COG5: variants seen among roughly 807,000 people sequenced by gnomAD.
COG5 encodes the protein component of oligomeric golgi complex 5, also known as conserved oligomeric Golgi complex subunit 5.
A neutral mutation model predicts 110.4 loss-of-function variants in COG5; 86 were observed. The observed-to-expected ratio is 0.78, with a 90% CI of 0.65 to 0.93. The LOEUF (loss-of-function observed/expected upper bound fraction) is 0.93. Among genes scored for constraint, COG5 ranks in the 40% least tolerant of loss-of-function variants. COG5 has a pLI of 0.00. For synonymous variants in COG5, 360 were observed against 334.6 expected, an observed-to-expected ratio of 1.08 and a Z score of -0.83; for missense variants, 1,077 against 987.0, an observed-to-expected ratio of 1.09 and a Z score of -1.22.
At chr7:107,345,526 G>C (rs1236234520) in intron 10 of COG5, among the ~76,000 whole-genome samples, 1 of 152,158 alleles carries the variant, frequency 6.6e-6, no homozygotes, top group East Asian at 1.9e-4. Flanking sequence ...CGGGCACTTA[G>C]AAAGTAGAGT....
intron 6 of COG5, among the ~76,000 whole-genome samples, chr7:107,436,263 T>A (rs991821607): frequency 4.6e-5 from 7 of 152,194 alleles, no homozygotes; most frequent in Non-Finnish European, 7.3e-5. Flanking sequence ...AGCGAATTAT[T>A]CAGCCTTTAA....
intron 7 of COG5, among the ~76,000 whole-genome samples, chr7:107,391,257 G>A (rs1256382745): frequency 6.6e-6 from 1 of 152,132 alleles, no homozygotes; most frequent in Non-Finnish European, 1.5e-5. Context: ...AAGCTGCCTG[G>A]ACCCTCAGCA....
intron 13 of COG5, among the ~76,000 whole-genome samples, chr7:107,281,631 T>C (rs1347255816): frequency 6.6e-6 from 1 of 152,116 alleles, no homozygotes; most frequent in Non-Finnish European, 1.5e-5. Flanking sequence ...AAGCATGTCA[T>C]ATGTGGGTTC....
At chr7:107,228,629 A>C (rs781419519) in intron 19 of COG5, among the ~76,000 whole-genome samples, 1 of 152,142 alleles carries the variant, frequency 6.6e-6, no homozygotes, top group Non-Finnish European at 1.5e-5. Flanking sequence ...ATACTTAAAC[A>C]GTTTTAAAAA....
intron 5 of COG5, among the ~76,000 whole-genome samples, chr7:107,528,706 C>G (rs1040091324): frequency 2.0e-5 from 3 of 152,080 alleles, no homozygotes; most frequent in Non-Finnish European, 2.9e-5. Flanking sequence ...GGCCCCAAGG[C>G]TAACTGAGAA....
chr7:107,405,092 T>A (rs1791731819), intron 7 of COG5, among the ~76,000 whole-genome samples: 1 of 152,176 alleles, frequency 6.6e-6, no homozygotes, highest in South Asian at 2.1e-4. Flanking sequence ...AACTGCTTGG[T>A]CTTACTAAAG....
intron 6 of COG5, among the ~76,000 whole-genome samples, chr7:107,454,227 A>T (rs1309485409): frequency 6.6e-6 from 1 of 152,198 alleles, no homozygotes; most frequent in Non-Finnish European, 1.5e-5. Context: ...AATCCTTGAA[A>T]TCTTAAATGA....
intron 6 of COG5, among the ~76,000 whole-genome samples, chr7:107,514,104 A>G (rs1799745560): frequency 6.6e-6 from 1 of 152,134 alleles, no homozygotes; most frequent in South Asian, 2.1e-4. Flanking sequence ...TGGTGTTAAT[A>G]TATTGCAGCT....
intron 11 of COG5, among the ~76,000 whole-genome samples, chr7:107,305,297 C>A (rs1047693008): frequency 9.2e-5 from 14 of 152,160 alleles, no homozygotes; most frequent in Non-Finnish European, 1.5e-4. Context: ...TAATTAAGTG[C>A]CGCCTTTGTG....
Position 107,563,883 on chromosome 7 carries a change from C to A in COG5, c.14G>T (p.Gly5Val). MEGG[G>V]GSVAVAGLGA... ...GAGGCCAGCTACAGCGACGCTGCCG[C>A]CGCCACCTTCCATGTTGGCAGGTGC... The change falls in exon 1 of 22, where the codon GGC becomes GTC. Residue 5 changes from glycine to valine, a missense_variant. Transcript: ENST00000297135. 1 of 1,613,766 alleles carries A rather than the reference C, an allele frequency of 6.2e-7. No individual in the cohort carries two copies. The highest frequency in any genetic ancestry group is 1.7e-4 in the Middle Eastern group (1 of 6,052).
chr7:107,272,803 T>C (rs531115470), intron 14 of COG5, among the ~76,000 whole-genome samples: 6 of 152,268 alleles, frequency 3.9e-5, no homozygotes, highest in Admixed American at 6.5e-5. Context: ...CCATTTTTGC[T>C]TTTAGATATG....
intron 1 of COG5, chr7:107,563,363 T>C (rs1804083165): frequency 3.6e-6 from 1 of 274,074 alleles, no homozygotes; most frequent in Non-Finnish European, 7.2e-6. Context: ...GGAGTAAGCG[T>C]TTCCAGCTCT....
rs1795144254 is a variant in COG5 at position 107,448,519 on chromosome 7, C to T, written c.539-35887G>A. On this transcript the variant is annotated intron_variant, in intron 6 of 21. Transcript: ENST00000297135. Reference sequence around the variant, plus strand: ...AGTCTTTTGGTCTTCTCTTCCTATGCTCACCCCTTACATGTTAGAATTCCT... The same window carrying T: ...AGTCTTTTGGTCTTCTCTTCCTATGTTCACCCCTTACATGTTAGAATTCCT... 3.9e-5 allele frequency among the ~76,000 whole-genome samples: 6 copies of T among 152,170 alleles called. No homozygotes were observed. In the South Asian group the frequency reaches 1.2e-3, roughly 32 times the overall value.
rs79770409 is a variant in COG5, at chr7:107,313,395, T to C, written c.1108+11045A>G. Among the ~76,000 whole-genome samples the C allele has an allele frequency of 8.0e-3, 1,223 of 152,266 alleles. 16 individuals are homozygous for C. Among genetic ancestry groups the C allele is most frequent in the African/African-American group, 0.026 (1,069 of 41,552 alleles). ...AATATTAACAAGCATGTGGAAAAAC[T>C]AGAACTCTCATATACTGCCAAGGAG... On this transcript the variant is annotated intron_variant, in intron 11 of 21. Transcript: ENST00000297135.
At chr7:107,507,038 T>C (rs966439555) in intron 6 of COG5, among the ~76,000 whole-genome samples, 1 of 152,190 alleles carries the variant, frequency 6.6e-6, no homozygotes, top group Non-Finnish European at 1.5e-5. Context: ...TTTATATATG[T>C]CACCACTTCC....
chr7:107,386,044 G>C (rs1790168020), intron 7 of COG5, among the ~76,000 whole-genome samples: 1 of 151,448 alleles, frequency 6.6e-6, no homozygotes, highest in South Asian at 2.1e-4. Context: ...TGTTAGGGTT[G>C]AGTCAGGATG....
rs56971368 is a variant in COG5 at position 107,270,882 on chromosome 7, CTTTTTTTTTTTT to C, written c.1575+10406_1575+10417del. Among the ~76,000 whole-genome samples the C allele has an allele frequency of 4.4e-5, 3 of 68,750 alleles. No homozygotes were observed. The South Asian group carries it at 1.6e-3, about 37-fold the overall frequency. 45.1% of individuals were successfully genotyped at this position (68,750 alleles called of 152,430 possible). On this transcript the variant is annotated intron_variant, in intron 14 of 21. Transcript: ENST00000297135. ...TTATACTTCATTATCCTAACTAGAA[CTTTTTTTTTTTT>C]TTTTTTTTTTTTTTTGTAGAGATGG...
At chr7:107,384,311 A>G (rs1815377244) in intron 7 of COG5, among the ~76,000 whole-genome samples, 1 of 152,080 alleles carries the variant, frequency 6.6e-6, no homozygotes, top group Non-Finnish European at 1.5e-5. Context: ...ACTTCTTTAG[A>G]GGGGGGAATG....
At position 107,356,080 on chromosome 7, in the gene COG5, C is replaced by T. The variant is rs908318903; in HGVS notation, c.1026+5953G>A. Among the ~76,000 whole-genome samples the T allele has an allele frequency of 2.2e-4, 33 of 151,992 alleles. 1 individual carries two copies. The highest frequency in any genetic ancestry group is 4.7e-4 in the Non-Finnish European group (32 of 67,988). On this transcript the variant is annotated intron_variant, in intron 10 of 21. Transcript: ENST00000297135. ...CCTAAAATCAAAATTAATTTTAAAA[C>T]AACTCTAGATATTGAACTACAATAA...
Sources: gnomAD v4.1 joint callset for allele counts (sites outside exome capture counted in the v4.1 genomes callset) on GRCh38, gnomAD v4.1.1 for gene constraint, MANE v1.5 for transcripts, NCBI Gene and HGNC (gene_info 2026-07-23, HGNC 2026-07-21) for gene names.